PTCHD4: variants seen among roughly 807,000 people sequenced by gnomAD.
PTCHD4 encodes patched domain containing 4.
In PTCHD4, 33 loss-of-function variants were observed where a neutral mutation model predicts 58.1. The observed-to-expected ratio is 0.57, with a 90% CI of 0.43 to 0.76. The LOEUF (loss-of-function observed/expected upper bound fraction) is 0.76, where lower values mean the gene tolerates loss of function less well. Among genes scored for constraint, PTCHD4 ranks in the 30% least tolerant of loss-of-function variants. The pLI, the probability that PTCHD4 is intolerant of heterozygous loss-of-function variation, is 0.00. For synonymous variants in PTCHD4, 478 were observed against 409.6 expected (o/e 1.17, Z -2.02); for missense variants, 1,058 against 1,027.1 (o/e 1.03, Z -0.41).
At chr6:48,031,613 C>A (rs2753200) in intron 3 of PTCHD4, among the ~76,000 whole-genome samples, 88,759 of 151,916 alleles carry the variant, frequency 0.58, 26,078 homozygotes, top group East Asian at 0.72. Flanking sequence ...TGGGGGGAAT[C>A]CATGGGAATA....
intron 1 of PTCHD4, among the ~76,000 whole-genome samples, chr6:48,090,600 G>A (rs1208583867): frequency 1.3e-5 from 2 of 152,076 alleles, no homozygotes; most frequent in African/African-American, 4.8e-5. Flanking sequence ...AATCTCAGAA[G>A]GGGTAAAATA....
intron 4 of PTCHD4, among the ~76,000 whole-genome samples, chr6:47,937,988 A>G (rs1766067877): frequency 6.6e-6 from 1 of 152,078 alleles, no homozygotes; most frequent in Non-Finnish European, 1.5e-5. Flanking sequence ...CCCCATCTCT[A>G]CTAAAAATAC....
rs141000196 is a variant in PTCHD4, at chr6:47,945,731, A to G, written c.898+62903T>C. Among the ~76,000 whole-genome samples the G allele has an allele frequency of 3.1e-3, 464 of 151,936 alleles. 3 individuals are homozygous for G. The highest frequency in any genetic ancestry group is 0.011 in the African/African-American group (438 of 41,534). ...TTGGAAAAGTGGACATTTATATGAT[A>G]TAGTGTTTTCCTATCTATGAAAATT... On this transcript the variant is annotated intron_variant, in intron 4 of 4. Transcript: ENST00000339488.
rs1165911514 is a variant in PTCHD4 at position 47,913,789 on chromosome 6, C to A, written c.899-33853G>T. The stretch of plus-strand genomic sequence containing the variant: ...CGAAACTGAAGAATGCTGGAGGAGG[C>A]TGATTCTGCAGAGGTTGTTAAAATG... On this transcript the variant is annotated intron_variant, in intron 4 of 4. Coordinates refer to ENST00000339488, the MANE Select transcript of PTCHD4 (RefSeq NM_001384253.1). Among the ~76,000 whole-genome samples, 4 of 152,090 alleles carry A rather than the reference C, an allele frequency of 2.6e-5. 1 individual carries two copies.
At position 47,934,512 on chromosome 6, in the gene PTCHD4, T is replaced by C. The variant is rs188543447; in HGVS notation, c.899-54576A>G. 3.9e-5 allele frequency among the ~76,000 whole-genome samples: 6 copies of C among 152,328 alleles called. No individual in the cohort carries two copies. In the East Asian group the frequency reaches 1.2e-3, roughly 29 times the overall value. Reference sequence around the variant, plus strand: ...TCTTACCGATCTAAATCTGGTAATGTAATCTAGTAGCATAAAAATATATAT... The same window carrying C: ...TCTTACCGATCTAAATCTGGTAATGCAATCTAGTAGCATAAAAATATATAT... On this transcript the variant is annotated intron_variant, in intron 4 of 4. Coordinates refer to ENST00000339488, the MANE Select transcript of PTCHD4 (RefSeq NM_001384253.1).
chr6:48,001,692 G>A (rs1423671191), intron 4 of PTCHD4, among the ~76,000 whole-genome samples: 1 of 152,118 alleles, frequency 6.6e-6, no homozygotes. Context: ...TCAGGACATA[G>A]GCATGGGCAA....
At chr6:48,007,755 T>C (rs1762504246) in intron 4 of PTCHD4, among the ~76,000 whole-genome samples, 1 of 152,122 alleles carries the variant, frequency 6.6e-6, no homozygotes, top group African/African-American at 2.4e-5. Flanking sequence ...TGCAGCTCAT[T>C]CTCTAAATCA....
At chr6:48,007,335 C>A (rs1762479382) in intron 4 of PTCHD4, among the ~76,000 whole-genome samples, 1 of 152,168 alleles carries the variant, frequency 6.6e-6, no homozygotes, top group Non-Finnish European at 1.5e-5. Flanking sequence ...ATCCCATCAT[C>A]TATCATATAA....
intron 3 of PTCHD4, among the ~76,000 whole-genome samples, chr6:48,032,389 T>C (rs1336514979): frequency 1.3e-5 from 2 of 151,956 alleles, no homozygotes; most frequent in African/African-American, 4.8e-5. Flanking sequence ...AGGAGAAAAA[T>C]AGCTCGCTCT....
chr6:48,041,000 T>C (rs1432285303), intron 3 of PTCHD4, among the ~76,000 whole-genome samples: 1 of 152,088 alleles, frequency 6.6e-6, no homozygotes, highest in Non-Finnish European at 1.5e-5. Flanking sequence ...ATATAATCCA[T>C]GGTAATGATT....
At chr6:48,108,073 C>T (rs142145473) in intron 1 of PTCHD4, among the ~76,000 whole-genome samples, 2,256 of 152,226 alleles carry the variant, frequency 0.015, 33 homozygotes, top group Non-Finnish European at 0.025. Flanking sequence ...ACTAGAAATA[C>T]GATTTGACCC....
Position 47,861,935 on chromosome 6 carries a change from G to C in PTCHD4, c.*16368C>G. Among the ~76,000 whole-genome samples, 1 of 151,858 alleles carries C rather than the reference G, an allele frequency of 6.6e-6. No homozygotes were observed. The highest frequency in any genetic ancestry group is 1.9e-4 in the East Asian group (1 of 5,134). On this transcript the variant is annotated 3_prime_UTR_variant, in exon 5 of 5. Coordinates refer to ENST00000339488, the MANE Select transcript of PTCHD4 (RefSeq NM_001384253.1). ...GGTCATTTTATTTTCCTAGTTCCTA[G>C]GTAACTGTCCATATTTCCTGTTATC...
At chr6:48,107,611 A>C (rs2113919759) in intron 1 of PTCHD4, among the ~76,000 whole-genome samples, 1 of 152,284 alleles carries the variant, frequency 6.6e-6, no homozygotes, top group Non-Finnish European at 1.5e-5. Flanking sequence ...GGATCTAATT[A>C]AACTAAAGAG....
chr6:47,922,524 C>T (rs371379036), intron 4 of PTCHD4, among the ~76,000 whole-genome samples: 28 of 152,252 alleles, frequency 1.8e-4, no homozygotes, highest in African/African-American at 6.5e-4. Flanking sequence ...CACAACTTGG[C>T]GAGAGGGCTC....
rs115898459 is a variant in PTCHD4 at position 48,069,800 on chromosome 6, C to T, written c.-843G>A. 3.1e-3 allele frequency among the ~76,000 whole-genome samples: 467 copies of T among 152,266 alleles called. 3 individuals are homozygous for T. Among genetic ancestry groups the T allele is most frequent in the African/African-American group, 0.011 (443 of 41,552 alleles). On this transcript the variant is annotated 5_prime_UTR_variant, in exon 2 of 5. Coordinates refer to ENST00000339488, the MANE Select transcript of PTCHD4 (RefSeq NM_001384253.1). ...AAGTTCCTAAAGCTGATTTCAGTCC[C>T]CTTTTCCAGTGTCTCCTTCCACCCC... is the stretch of plus-strand genomic sequence containing the variant.
At chr6:47,888,358 A>C (rs902332592) in intron 4 of PTCHD4, among the ~76,000 whole-genome samples, 125 of 144,754 alleles carry the variant, frequency 8.6e-4, no homozygotes, top group African/African-American at 2.6e-3. Context: ...CTCAGTCCCC[A>C]AAAAAAAGAG....
At chr6:47,933,140 A>G (rs1173900073) in intron 4 of PTCHD4, among the ~76,000 whole-genome samples, 1 of 152,204 alleles carries the variant, frequency 6.6e-6, no homozygotes, top group East Asian at 1.9e-4. Context: ...TTAGAGGAGG[A>G]ACCATATGCT....
intron 3 of PTCHD4, among the ~76,000 whole-genome samples, chr6:48,059,042 G>T (rs1159799190): frequency 6.6e-6 from 1 of 152,180 alleles, no homozygotes; most frequent in African/African-American, 2.4e-5. Flanking sequence ...GAAGGTCAAC[G>T]CTCAAGAACT....
intron 4 of PTCHD4, among the ~76,000 whole-genome samples, chr6:47,993,071 C>T (rs889055466): frequency 4.6e-5 from 7 of 152,004 alleles, no homozygotes; most frequent in East Asian, 1.9e-4. Context: ...CACCATGGCA[C>T]GAAACAAGGA....
Sources: allele counts gnomAD v4.1 joint callset (sites outside exome capture counted in the v4.1 genomes callset), GRCh38; gene constraint gnomAD v4.1.1; transcripts MANE v1.5; gene names NCBI Gene and HGNC (gene_info 2026-07-23, HGNC 2026-07-21).